Variants in SLC25A21 observed in about 807,000 individuals in gnomAD.
SLC25A21 encodes the protein solute carrier family 25 member 21, also known as mitochondrial 2-oxodicarboxylate carrier.
SLC25A21 carries 47 observed loss-of-function variants against 43.8 expected under a neutral mutation model. The ratio of observed to expected loss-of-function variants is 1.07; its 90% CI spans 0.85 to 1.37. SLC25A21 has a LOEUF of 1.37. Among genes scored for constraint, SLC25A21 ranks in the 40% most tolerant of loss-of-function variants. SLC25A21 has a pLI of 0.00. For synonymous variants in SLC25A21, 131 were observed against 121.3 expected (o/e 1.08, Z -0.52); for missense variants, 352 against 350.2 (o/e 1.00, Z -0.04).
chr14:37,095,666 G>A (rs1962675264), intron 1 of SLC25A21, among the ~76,000 whole-genome samples: 1 of 152,010 alleles, frequency 6.6e-6, no homozygotes, highest in African/African-American at 2.4e-5. Flanking sequence ...TAGGAGGATT[G>A]CTTGCTTGAA....
Position 36,984,986 on chromosome 14 carries a change from C to G in SLC25A21, c.71-109982G>C, listed in dbSNP as rs28414995. Among the ~76,000 whole-genome samples, 206 of 150,504 alleles carry G rather than the reference C, an allele frequency of 1.4e-3. 1 individual carries two copies. The highest frequency in any genetic ancestry group is 4.8e-3 in the African/African-American group (196 of 40,590). ...TGTGGCACATATACACCATGGAATACTATGCAGCCATAAAAAATGATGAGT... is the reference window on the plus strand; with the variant it reads ...TGTGGCACATATACACCATGGAATAGTATGCAGCCATAAAAAATGATGAGT... On this transcript the variant is annotated intron_variant, in intron 1 of 9. Coordinates refer to ENST00000331299, the MANE Select transcript of SLC25A21 (RefSeq NM_030631.4).
intron 1 of SLC25A21, among the ~76,000 whole-genome samples, chr14:37,150,637 A>C (rs990999712): frequency 6.6e-6 from 1 of 152,232 alleles, no homozygotes; most frequent in African/African-American, 2.4e-5. Flanking sequence ...CCTTTTAAAA[A>C]GAAAATAAAA....
intron 3 of SLC25A21, among the ~76,000 whole-genome samples, chr14:36,746,245 C>T (rs1214635241): frequency 6.6e-6 from 1 of 151,990 alleles, no homozygotes; most frequent in Non-Finnish European, 1.5e-5. Context: ...ATGTGGTATG[C>T]CATGGAATAC....
intron 2 of SLC25A21, among the ~76,000 whole-genome samples, chr14:36,862,150 A>G (rs1890084315): frequency 6.6e-6 from 1 of 152,216 alleles, no homozygotes; most frequent in African/African-American, 2.4e-5. Flanking sequence ...GAATGCTTTT[A>G]CATGGTTGGT....
rs74457591 is a variant in SLC25A21 at position 36,770,265 on chromosome 14, G to T, written c.204-35692C>A. ...TCATCATCCTAGGCAAATTAACACA[G>T]GAACAGAAAACCAACTACCACATGT... On this transcript the variant is annotated intron_variant, in intron 3 of 9. Coordinates refer to ENST00000331299, the MANE Select transcript of SLC25A21 (RefSeq NM_030631.4). Among the ~76,000 whole-genome samples the T allele has an allele frequency of 8.9e-3, 1,353 of 152,242 alleles. 69 individuals carry two copies. The highest frequency in any genetic ancestry group is 0.071 in the Admixed American group (1,084 of 15,284).
chr14:37,070,946 G>A (rs967994016), intron 1 of SLC25A21, among the ~76,000 whole-genome samples: 10 of 152,112 alleles, frequency 6.6e-5, no homozygotes, highest in African/African-American at 2.4e-4. Context: ...GTTTCCCCGG[G>A]GGAAGGACTC....
At chr14:36,914,733 A>G (rs1218044884) in intron 1 of SLC25A21, among the ~76,000 whole-genome samples, 2 of 152,180 alleles carry the variant, frequency 1.3e-5, no homozygotes, top group African/African-American at 4.8e-5. Context: ...TGTCAGTAAA[A>G]AAAAGTAGTT....
chr14:37,054,105 T>A (rs1268099005), intron 1 of SLC25A21, among the ~76,000 whole-genome samples: 2 of 152,180 alleles, frequency 1.3e-5, no homozygotes, highest in African/African-American at 4.8e-5. Context: ...CATCAAAGCC[T>A]AGGTTACAAT....
intron 3 of SLC25A21, among the ~76,000 whole-genome samples, chr14:36,752,710 C>T (rs1225482520): frequency 6.6e-6 from 1 of 152,218 alleles, no homozygotes; most frequent in Non-Finnish European, 1.5e-5. Flanking sequence ...ATAATCCCCA[C>T]ATGTTGTGGG....
At chr14:37,094,840 G>C (rs897217461) in intron 1 of SLC25A21, among the ~76,000 whole-genome samples, 2 of 152,060 alleles carry the variant, frequency 1.3e-5, no homozygotes. Context: ...TGGTACCCAG[G>C]ATATAAAATT....
At chr14:36,862,152 A>G (rs1053275916) in intron 2 of SLC25A21, among the ~76,000 whole-genome samples, 7 of 152,196 alleles carry the variant, frequency 4.6e-5, no homozygotes, top group African/African-American at 1.7e-4. Context: ...ATGCTTTTAC[A>G]TGGTTGGTGG....
intron 1 of SLC25A21, among the ~76,000 whole-genome samples, chr14:36,891,487 G>A (rs1891070830): frequency 6.6e-6 from 1 of 152,140 alleles, no homozygotes; most frequent in Non-Finnish European, 1.5e-5. Context: ...ATTTCTTCAT[G>A]TGCTGCTTTG....
At chr14:36,978,628 T>C (rs1174103725) in intron 1 of SLC25A21, among the ~76,000 whole-genome samples, 2 of 152,228 alleles carry the variant, frequency 1.3e-5, no homozygotes, top group Non-Finnish European at 2.9e-5. Flanking sequence ...GTATAAAATC[T>C]AATATAATAT....
chr14:36,987,881 A>C (rs957504732), intron 1 of SLC25A21, among the ~76,000 whole-genome samples: 1 of 152,202 alleles, frequency 6.6e-6, no homozygotes, highest in Admixed American at 6.5e-5. Flanking sequence ...TCATTTCATC[A>C]TGTCCTTACC....
At chr14:36,898,905 T>C (rs1243014514) in intron 1 of SLC25A21, among the ~76,000 whole-genome samples, 1 of 152,196 alleles carries the variant, frequency 6.6e-6, no homozygotes, top group African/African-American at 2.4e-5. Context: ...ATTGTATTCT[T>C]GAAAATGCTA....
At chr14:36,981,275 C>G (rs7142715) in intron 1 of SLC25A21, among the ~76,000 whole-genome samples, 3 of 152,098 alleles carry the variant, frequency 2.0e-5, no homozygotes, top group African/African-American at 2.4e-5. Context: ...TGGAAGACAG[C>G]GTGGCGATTC....
At chr14:36,727,620 G>A (rs774331227) in intron 5 of SLC25A21, among the ~76,000 whole-genome samples, 3 of 152,098 alleles carry the variant, frequency 2.0e-5, no homozygotes, top group Non-Finnish European at 2.9e-5. Context: ...CCCAGGAGGC[G>A]GAGGTTGCAG....
At chr14:37,010,840 G>A (rs978006298) in intron 1 of SLC25A21, among the ~76,000 whole-genome samples, 1 of 152,082 alleles carries the variant, frequency 6.6e-6, no homozygotes, top group Non-Finnish European at 1.5e-5. Flanking sequence ...GAACTCCTGG[G>A]CTGAAGCAAT....
At chr14:36,966,272 G>A (rs1384449995) in intron 1 of SLC25A21, among the ~76,000 whole-genome samples, 2 of 152,136 alleles carry the variant, frequency 1.3e-5, no homozygotes, top group Non-Finnish European at 2.9e-5. Context: ...TGTGTTGTGG[G>A]GAGTTGCCAT....
Sources: gnomAD v4.1 joint callset for allele counts (sites outside exome capture counted in the v4.1 genomes callset) on GRCh38, gnomAD v4.1.1 for gene constraint, MANE v1.5 for transcripts, NCBI Gene and HGNC (gene_info 2026-07-23, HGNC 2026-07-21) for gene names.